The following SMARCD1 variants were observed in gnomAD, a reference collection of about 807,000 sequenced individuals.
The protein encoded by SMARCD1 is SWI/SNF related BAF chromatin remodeling complex subunit D1.
SMARCD1 carries 16 observed loss-of-function variants against 70.8 expected under a neutral mutation model. That is an observed-to-expected ratio of 0.23 (90% confidence interval 0.15 to 0.34). The LOEUF is 0.34. Among genes scored for constraint, SMARCD1 ranks in the 10% least tolerant of loss-of-function variants. SMARCD1 has a pLI of 1.00. For missense variants in SMARCD1, 409 were observed against 655.5 expected (o/e 0.62, Z 4.11); for synonymous variants, 249 against 246.0 (o/e 1.01, Z -0.11).
intron 11 of SMARCD1, 63 bp downstream of exon 11, chr12:50,097,035 A>C (rs1432353579): frequency 6.8e-7 from 1 of 1,477,056 alleles, no homozygotes; most frequent in African/African-American, 1.4e-5. Context: ...TGCTTTATTC[A>C]TGTAGCAGCT....
chr12:50,098,892 G>A (rs1950915791), intron 12 of SMARCD1, 55 bp from the exon 13 acceptor site: 10 of 1,604,804 alleles, frequency 6.2e-6, no homozygotes, highest in Non-Finnish European at 8.5e-7. Flanking sequence ...AGTGGTGTTA[G>A]ATACCAACTT....
At chr12:50,088,297 CAG>C (rs778052543) in intron 5 of SMARCD1, 5 of 703,066 alleles carry the variant, frequency 7.1e-6, no homozygotes, top group Non-Finnish European at 1.3e-5. Flanking sequence ...ATGGGTAAAA[CAG>C]TGACCCTCTA....
At chr12:50,095,480 C>T (rs184221871) in intron 10 of SMARCD1, among the ~76,000 whole-genome samples, 560 of 152,234 alleles carry the variant, frequency 3.7e-3, no homozygotes, top group African/African-American at 0.013. Flanking sequence ...GCACCTGCCA[C>T]TACGCCCGGC....
Position 50,086,821 on chromosome 12 carries a change from C to T in SMARCD1, c.474C>T (p.Asp158=), listed in dbSNP as rs1470511279. 2 of 1,613,774 alleles carry T rather than the reference C, an allele frequency of 1.2e-6. No homozygotes were observed. Among genetic ancestry groups the T allele is most frequent in the East Asian group, 2.2e-5 (1 of 44,892 alleles). ...TCTTGGCTTTTGAAAGGAAACTGGA[C>T]CAGACTATCATGAGGAAACGGCTAG... ...MDLLAFERKL[D]QTIMRKRLDI... is the part of the protein sequence containing the mutation. Residue 158 remains aspartate (D), a synonymous_variant, in exon 4 of 13, where the codon GAC becomes GAT. Transcript: ENST00000394963.
chr12:50,096,814 G>C, intron 10 of SMARCD1, 36 bp from the exon 11 acceptor site: 1 of 1,577,340 alleles, frequency 6.3e-7, no homozygotes, highest in East Asian at 2.3e-5. Context: ...CATTTTTCTA[G>C]TTTGAAAATG....
rs1445272702 is a variant in SMARCD1 at position 50,098,749 on chromosome 12, G to A, written c.1428G>A (p.Glu476=). The change falls in exon 12 of 13, where the codon GAG becomes GAA. Residue 476 remains glutamate (E), a synonymous_variant. Transcript: ENST00000394963. Reference sequence around the variant, plus strand: ...ATGTGGTGGGTAACCCAGAGGAGGAGCGCCGAGCTGAGTTCTACTTCCAGC... The same window carrying A: ...ATGTGGTGGGTAACCCAGAGGAGGAACGCCGAGCTGAGTTCTACTTCCAGC... The part of the protein sequence containing the change: ...MTDVVGNPEE[E]RRAEFYFQPW... 3 of 1,614,126 alleles carry A rather than the reference G, an allele frequency of 1.9e-6. No individual in the cohort carries two copies. The highest frequency in any genetic ancestry group is 3.3e-5 in the Admixed American group (2 of 60,016).
intron 11 of SMARCD1, 142 bp from the exon 12 acceptor site, chr12:50,098,572 A>C: frequency 1.6e-6 from 1 of 641,090 alleles, no homozygotes; most frequent in Non-Finnish European, 2.8e-6. Context: ...TTTCCAAATA[A>C]GGTCACATTC....
intron 2 of SMARCD1, 100 bp downstream of exon 2, chr12:50,086,448 A>G: frequency 3.2e-6 from 3 of 942,966 alleles, no homozygotes; most frequent in Admixed American, 3.3e-5. Context: ...GTGTCAGCAG[A>G]TGGTGCTACA....
chr12:50,086,369 AG>A, intron 2 of SMARCD1, 21 bp downstream of exon 2: 3 of 389,634 alleles, frequency 7.7e-6, no homozygotes, highest in Non-Finnish European at 1.6e-5. Context: ...CCTGGGGCAG[AG>A]GGAGGGAGGG....
chr12:50,089,992 T>C lies in SMARCD1; in HGVS notation c.873+7T>C. ...ACTGATGCTGGATTACCAGGTATTCTGTGGTGGTGTGAGGGGGTCCAGCTT... is the reference window on the plus strand; with the variant it reads ...ACTGATGCTGGATTACCAGGTATTCCGTGGTGGTGTGAGGGGGTCCAGCTT... On this transcript the variant is annotated splice_region_variant and intron_variant, in intron 7 of 12. Coordinates refer to ENST00000394963, the MANE Select transcript of SMARCD1 (RefSeq NM_003076.5). The C allele has an allele frequency of 1.2e-6, 2 of 1,607,480 alleles. No homozygotes were observed. Among genetic ancestry groups the C allele is most frequent in the Non-Finnish European group, 1.7e-6 (2 of 1,173,930 alleles).
intron 5 of SMARCD1, chr12:50,088,131 G>A (rs962302608): frequency 3.1e-6 from 2 of 637,048 alleles, no homozygotes; most frequent in Admixed American, 2.4e-5. Flanking sequence ...TCCATCTGCT[G>A]GTGGTGTCAT....
At position 50,086,788 on chromosome 12, in the gene SMARCD1, T is replaced by C. The variant is rs1158148687; in HGVS notation, c.441T>C (p.Tyr147=). ...IRELVPESQA[Y]MDLLAFERKL... is the part of the protein sequence containing the mutation. ...AACTGGTACCAGAATCCCAGGCCTA[T>C]ATGGATCTCTTGGCTTTTGAAAGGA... The change falls in exon 4 of 13, where the codon TAT becomes TAC. Residue 147 remains tyrosine, a synonymous_variant. Transcript: ENST00000394963. 1 of 1,613,918 alleles carries C rather than the reference T, an allele frequency of 6.2e-7. No homozygotes were observed. The highest frequency in any genetic ancestry group is 8.5e-7 in the Non-Finnish European group (1 of 1,179,950).
At position 50,094,402 on chromosome 12, in the gene SMARCD1, A is replaced by G. The variant is rs1464808072; in HGVS notation, c.1134-35A>G. 3 of 1,605,832 alleles carry G rather than the reference A, an allele frequency of 1.9e-6. No individual in the cohort carries two copies. The African/African-American group carries it at 4.0e-5, about 22-fold the overall frequency. The stretch of plus-strand genomic sequence containing the variant: ...CTGTGTAATTAGGTCTTAGGGGACA[A>G]GCTCTTTACCAGGCTCCTTTGGTTT... On this transcript the variant is annotated intron_variant, in intron 9 of 12. Coordinates refer to ENST00000394963, the MANE Select transcript of SMARCD1 (RefSeq NM_003076.5).
chr12:50,088,672 T>C (rs781381205), intron 6 of SMARCD1, 35 bp downstream of exon 6: 8 of 1,188,574 alleles, frequency 6.7e-6, no homozygotes, highest in Non-Finnish European at 9.9e-6. Context: ...TTGACTCTGA[T>C]TGGAGGATGA....
At chr12:50,094,689 C>T in intron 10 of SMARCD1, 117 bp downstream of exon 10, 2 of 992,322 alleles carry the variant, frequency 2.0e-6, no homozygotes, top group Non-Finnish European at 1.5e-6. Context: ...ATGTCAGGTA[C>T]TGTGCTTGGT....
chr12:50,087,930 G>A (rs995723967), intron 5 of SMARCD1, among the ~76,000 whole-genome samples: 1 of 152,098 alleles, frequency 6.6e-6, no homozygotes, highest in Non-Finnish European at 1.5e-5. Context: ...GCTTCCTGGG[G>A]AGCATCAGCT....
intron 2 of SMARCD1, 27 bp downstream of exon 2, chr12:50,086,375 G>A: frequency 1.4e-6 from 2 of 1,480,618 alleles, no homozygotes; most frequent in South Asian, 1.2e-5. Context: ...GCAGAGGGAG[G>A]GAGGGAGGGA....
chr12:50,097,100 A>C, intron 11 of SMARCD1, 128 bp downstream of exon 11: 1 of 869,400 alleles, frequency 1.2e-6, no homozygotes, highest in Non-Finnish European at 1.7e-6. Context: ...AGCATGTTCC[A>C]GGGTCCATTT....
intron 11 of SMARCD1, among the ~76,000 whole-genome samples, chr12:50,097,379 C>T (rs749918025): frequency 2.0e-5 from 3 of 151,744 alleles, no homozygotes; most frequent in Non-Finnish European, 2.9e-5. Context: ...GGCGAAACCC[C>T]GTCTCCACTA....
Sources: allele counts gnomAD v4.1 joint callset (sites outside exome capture counted in the v4.1 genomes callset), GRCh38; gene constraint gnomAD v4.1.1; transcripts MANE v1.5; gene names NCBI Gene and HGNC (gene_info 2026-07-23, HGNC 2026-07-21).